The following CNTNAP2 variants were observed in gnomAD, a reference collection of about 807,000 sequenced individuals.
CNTNAP2 encodes the protein contactin-associated protein-like 2.
A neutral mutation model predicts 155.2 loss-of-function variants in CNTNAP2; 98 were observed. The ratio of observed to expected loss-of-function variants is 0.63; its 90% CI spans 0.54 to 0.75. The LOEUF (loss-of-function observed/expected upper bound fraction) is 0.75. Ranked by LOEUF, CNTNAP2 falls within the 30% of genes least tolerant of loss-of-function variation. The pLI is 0.00. For synonymous variants in CNTNAP2, 651 were observed against 631.2 expected (o/e 1.03, Z -0.47); for missense variants, 1,727 against 1,688.1 (o/e 1.02, Z -0.40).
chr7:146,797,796 G>T (rs1039989341), intron 2 of CNTNAP2, among the ~76,000 whole-genome samples: 6 of 152,134 alleles, frequency 3.9e-5, no homozygotes, highest in Non-Finnish European at 8.8e-5. Flanking sequence ...GTATTTGTTT[G>T]TTCATTACCA....
chr7:146,579,253 A>G (rs186570285), intron 1 of CNTNAP2, among the ~76,000 whole-genome samples: 1 of 152,098 alleles, frequency 6.6e-6, no homozygotes, highest in Admixed American at 6.6e-5. Flanking sequence ...TTTTTTAATT[A>G]AGTCTCAAAC....
intron 1 of CNTNAP2, among the ~76,000 whole-genome samples, chr7:146,257,306 T>C (rs925002591): frequency 6.6e-6 from 1 of 151,280 alleles, no homozygotes; most frequent in Non-Finnish European, 1.5e-5. Flanking sequence ...GAAGCAAGAG[T>C]GGTATAGGAA....
chr7:147,357,453 G>A (rs1481301278), intron 9 of CNTNAP2, among the ~76,000 whole-genome samples: 3 of 152,074 alleles, frequency 2.0e-5, no homozygotes, highest in African/African-American at 7.2e-5. Flanking sequence ...GGCAATGCCA[G>A]TGATCTAAGG....
At chr7:147,237,650 A>T (rs2116630327) in intron 8 of CNTNAP2, among the ~76,000 whole-genome samples, 1 of 152,352 alleles carries the variant, frequency 6.6e-6, no homozygotes, top group Non-Finnish European at 1.5e-5. Flanking sequence ...TTTCTATTAA[A>T]GATTAACATG....
intron 23 of CNTNAP2, among the ~76,000 whole-genome samples, chr7:148,410,565 CAAAA>C (rs56258191): frequency 0.3 from 34,074 of 112,834 alleles, 4,113 homozygotes; most frequent in Non-Finnish European, 0.34. Flanking sequence ...AGACCTTTCT[CAAAA>C]AAAAAAAAAA....
chr7:147,114,761 C>A (rs1377391050), intron 5 of CNTNAP2, among the ~76,000 whole-genome samples: 2 of 152,096 alleles, frequency 1.3e-5, no homozygotes, highest in Non-Finnish European at 2.9e-5. Context: ...GGCTCTTTAT[C>A]CAGCTTGCCA....
At chr7:147,794,753 C>A (rs851690) in intron 13 of CNTNAP2, among the ~76,000 whole-genome samples, 47,779 of 133,032 alleles carry the variant, frequency 0.36, 9,527 homozygotes, top group African/African-American at 0.61. Flanking sequence ...TTTTTAAAAA[C>A]AATTAATTCA....
chr7:147,674,289 A>G lies in CNTNAP2; in HGVS notation c.2098+34983A>G, dbSNP rs10224937. 8.6e-3 allele frequency among the ~76,000 whole-genome samples: 1,310 copies of G among 152,282 alleles called. 21 individuals are homozygous for G. Among genetic ancestry groups the G allele is most frequent in the African/African-American group, 0.03 (1,236 of 41,554 alleles). ...ACATATCCAGCAACATCTGAATGCC[A>G]AATAAAAGTCTTTACAGTTTCATCT... On this transcript the variant is annotated intron_variant, in intron 13 of 23. Coordinates refer to ENST00000361727, the MANE Select transcript of CNTNAP2 (RefSeq NM_014141.6).
rs371536143 is a variant in CNTNAP2, at chr7:147,128,852, C to A, written c.1083+16C>A. ...CTCAAATGTGGTAAGGATTTTCACCCGCAAAATATTGGTCTATAAAATATC... is the reference window on the plus strand; with the variant it reads ...CTCAAATGTGGTAAGGATTTTCACCAGCAAAATATTGGTCTATAAAATATC... On this transcript the variant is annotated intron_variant, in intron 7 of 23. Transcript: ENST00000361727. The A allele has an allele frequency of 1.9e-6, 3 of 1,613,522 alleles. No individual in the cohort carries two copies. The highest frequency in any genetic ancestry group is 8.5e-7 in the Non-Finnish European group (1 of 1,179,724).
intron 6 of CNTNAP2, among the ~76,000 whole-genome samples, chr7:147,124,171 T>G (rs1210286659): frequency 6.6e-6 from 1 of 152,174 alleles, no homozygotes; most frequent in Non-Finnish European, 1.5e-5. Flanking sequence ...TGCATGAAAA[T>G]TAGCTTCAAA....
At chr7:146,605,702 A>G (rs1310919437) in intron 1 of CNTNAP2, among the ~76,000 whole-genome samples, 1 of 152,194 alleles carries the variant, frequency 6.6e-6, no homozygotes, top group Non-Finnish European at 1.5e-5. Context: ...AGAAGATAGA[A>G]TGAAGTGTGG....
At chr7:147,309,650 T>A (rs1269904835) in intron 9 of CNTNAP2, among the ~76,000 whole-genome samples, 1 of 152,162 alleles carries the variant, frequency 6.6e-6, no homozygotes, top group South Asian at 2.1e-4. Context: ...TACCTGATTA[T>A]GCAAAAACAA....
intron 1 of CNTNAP2, among the ~76,000 whole-genome samples, chr7:146,198,149 G>T (rs1798803750): frequency 1.3e-5 from 2 of 152,116 alleles, no homozygotes; most frequent in Admixed American, 1.3e-4. Context: ...ATTATAACTT[G>T]AGATGAGATT....
chr7:146,689,508 CAGT>C (rs1232856814), intron 1 of CNTNAP2, among the ~76,000 whole-genome samples: 1 of 151,970 alleles, frequency 6.6e-6, no homozygotes, highest in African/African-American at 2.4e-5. Flanking sequence ...AAGCTCTAAA[CAGT>C]AGGCCACCAA....
chr7:147,043,759 A>G lies in CNTNAP2; in HGVS notation c.403-148A>G, dbSNP rs74422781. On this transcript the variant is annotated intron_variant, in intron 3 of 23. Coordinates refer to ENST00000361727, the MANE Select transcript of CNTNAP2 (RefSeq NM_014141.6). The stretch of plus-strand genomic sequence containing the variant: ...CTGGACCTATTTTCACATTAAGAGT[A>G]AGGAAGCAGCTTTCTTCAAATTATT... The G allele has an allele frequency of 0.072, 69,076 of 961,540 alleles. 2,869 individuals are homozygous for G. The highest frequency in any genetic ancestry group is 0.11 in the Middle Eastern group (332 of 3,092). The allele number at this position is 961,540 out of a possible 1,614,324, so 59.6% of individuals were successfully genotyped here.
chr7:147,418,068 C>T (rs540148268), intron 10 of CNTNAP2, among the ~76,000 whole-genome samples: 11 of 152,260 alleles, frequency 7.2e-5, no homozygotes, highest in African/African-American at 1.2e-4. Flanking sequence ...TACAATCATA[C>T]AATAACAATT....
At chr7:146,185,063 G>A (rs1326714837) in intron 1 of CNTNAP2, among the ~76,000 whole-genome samples, 2 of 152,054 alleles carry the variant, frequency 1.3e-5, no homozygotes, top group East Asian at 1.9e-4. Flanking sequence ...AACACAGGTT[G>A]TCCAAAAATT....
At chr7:147,979,705 C>T (rs376726366) in intron 15 of CNTNAP2, among the ~76,000 whole-genome samples, 12 of 152,290 alleles carry the variant, frequency 7.9e-5, no homozygotes, top group African/African-American at 2.6e-4. Flanking sequence ...TCACTGCAAC[C>T]TCCGCCTCCC....
chr7:147,710,716 T>G (rs957251509), intron 13 of CNTNAP2, among the ~76,000 whole-genome samples: 4 of 152,200 alleles, frequency 2.6e-5, no homozygotes, highest in African/African-American at 4.8e-5. Flanking sequence ...TATGGTGAGT[T>G]TTCCACTTTG....
Sources: allele counts gnomAD v4.1 joint callset (sites outside exome capture counted in the v4.1 genomes callset), GRCh38; gene constraint gnomAD v4.1.1; transcripts MANE v1.5; gene names NCBI Gene and HGNC (gene_info 2026-07-23, HGNC 2026-07-21).